SRP19: variants seen among roughly 807,000 people sequenced by gnomAD.
SRP19 encodes the protein signal recognition particle 19 kDa protein.
In SRP19, 11 loss-of-function variants were observed where a neutral mutation model predicts 22.4. The ratio of observed to expected loss-of-function variants is 0.49; its 90% CI spans 0.31 to 0.81. SRP19 has a LOEUF of 0.81. SRP19 is among the 40% of genes least tolerant of loss of function. SRP19 has a pLI of 0.05. For missense variants in SRP19, 168 were observed against 175.9 expected (o/e 0.96, Z 0.25); for synonymous variants, 61 against 57.6 (o/e 1.06, Z -0.27).
downstream of SRP19, chr5:112,893,176 G>A: frequency 3.6e-6 from 2 of 551,946 alleles, no homozygotes; most frequent in South Asian, 4.5e-5. Flanking sequence ...TTAGGAGGCT[G>A]AGGTGGGTGG....
At chr5:112,862,280 C>G in intron 1 of SRP19, 1 of 578,652 alleles carries the variant, frequency 1.7e-6, no homozygotes. Flanking sequence ...GGAGGGGGAT[C>G]AATCAGAAAG....
At chr5:112,892,785 G>T in exon 5 of SRP19, 1 of 1,614,044 alleles carries the variant, frequency 6.2e-7, no homozygotes, top group Non-Finnish European at 8.5e-7. Flanking sequence ...ACAGCAGGCA[G>T]CGGGGAAGGA....
At chr5:112,887,376 A>G (rs1009406773) in intron 4 of SRP19, among the ~76,000 whole-genome samples, 3 of 152,228 alleles carry the variant, frequency 2.0e-5, no homozygotes, top group African/African-American at 7.2e-5. Context: ...ATGAGCTGGT[A>G]AGGAAAAGCT....
At chr5:112,892,758 C>T in exon 5 of SRP19, 1 of 1,613,928 alleles carries the variant, frequency 6.2e-7, no homozygotes, top group South Asian at 1.1e-5. Context: ...AGAAGATGGG[C>T]CACCACGACC....
intron 4 of SRP19, among the ~76,000 whole-genome samples, chr5:112,875,252 GAA>G (rs1464283832): frequency 6.6e-6 from 1 of 152,206 alleles, no homozygotes; most frequent in East Asian, 1.9e-4. Flanking sequence ...GTAAAGATCT[GAA>G]TTGTACCTGT....
At chr5:112,880,528 C>T (rs1026077643) in intron 4 of SRP19, among the ~76,000 whole-genome samples, 1 of 152,208 alleles carries the variant, frequency 6.6e-6, no homozygotes, top group Non-Finnish European at 1.5e-5. Flanking sequence ...AATTACTGAA[C>T]CAAGTTCACA....
At chr5:112,878,665 T>A in intron 4 of SRP19, 1 of 1,388,626 alleles carries the variant, frequency 7.2e-7, no homozygotes, top group East Asian at 2.4e-5. Context: ...TTCCAATCTT[T>A]AATATCTCAA....
At chr5:112,884,691 C>T (rs191713550) in intron 4 of SRP19, among the ~76,000 whole-genome samples, 225 of 151,714 alleles carry the variant, frequency 1.5e-3, no homozygotes, top group Non-Finnish European at 2.8e-3. Flanking sequence ...GATTCCTTTA[C>T]TACTATTGAG....
chr5:112,889,829 ATTTTTT>A (rs35932072), intron 4 of SRP19, among the ~76,000 whole-genome samples: 6 of 139,292 alleles, frequency 4.3e-5, no homozygotes, highest in Non-Finnish European at 6.1e-5. Flanking sequence ...GAAAAAAAAA[ATTTTTT>A]TTTTTTTTTG....
chr5:112,890,974 T>C (rs1768424232), intron 4 of SRP19, among the ~76,000 whole-genome samples: 1 of 150,928 alleles, frequency 6.6e-6, no homozygotes. Context: ...ATACTGTGTT[T>C]TCTAACAACA....
intron 4 of SRP19, chr5:112,885,547 C>A: frequency 4.1e-6 from 1 of 242,162 alleles, no homozygotes. Flanking sequence ...AAGTAAACAT[C>A]AACTACCTTC....
At chr5:112,863,833 T>A (rs1020346197) in intron 2 of SRP19, among the ~76,000 whole-genome samples, 15 of 152,086 alleles carry the variant, frequency 9.9e-5, no homozygotes, top group Admixed American at 9.8e-4. Context: ...TCCGGCTACT[T>A]TGGTATTTTT....
intron 4 of SRP19, among the ~76,000 whole-genome samples, chr5:112,886,827 G>A (rs994199014): frequency 6.6e-6 from 1 of 152,212 alleles, no homozygotes; most frequent in African/African-American, 2.4e-5. Flanking sequence ...CATGGAGGAA[G>A]AGTCTTGGGA....
At chr5:112,884,140 C>A (rs1768159754) in intron 4 of SRP19, among the ~76,000 whole-genome samples, 2 of 152,258 alleles carry the variant, frequency 1.3e-5, no homozygotes, top group African/African-American at 4.8e-5. Flanking sequence ...CAGGACAGAT[C>A]ATTTTGCTTC....
At chr5:112,866,206 T>C (rs956748795) in intron 4 of SRP19, among the ~76,000 whole-genome samples, 1 of 150,762 alleles carries the variant, frequency 6.6e-6, no homozygotes, top group Non-Finnish European at 1.5e-5. Context: ...AACCTCCGCC[T>C]CCCGGGTTCA....
chr5:112,879,756 G>A (rs554570042), intron 4 of SRP19, among the ~76,000 whole-genome samples: 3 of 152,022 alleles, frequency 2.0e-5, no homozygotes, highest in South Asian at 2.1e-4. Flanking sequence ...GATTACAGAC[G>A]TAAGCCACCA....
intron 2 of SRP19, among the ~76,000 whole-genome samples, chr5:112,863,100 T>C (rs1163147139): frequency 6.6e-6 from 1 of 152,156 alleles, no homozygotes; most frequent in East Asian, 1.9e-4. Flanking sequence ...TAACAAGCAC[T>C]CAAAAAAGAA....
chr5:112,890,386 TAAAAA>T, intron 4 of SRP19, among the ~76,000 whole-genome samples: 1 of 147,332 alleles, frequency 6.8e-6, no homozygotes. Context: ...TTTTTTTAAA[TAAAAA>T]AGGGTTTCAC....
intron 4 of SRP19, chr5:112,887,274 G>T: frequency 8.3e-7 from 1 of 1,202,902 alleles, no homozygotes. Flanking sequence ...CTGGGGATGG[G>T]AGATGCCTCT....
Sources: gnomAD v4.1 joint callset for allele counts (sites outside exome capture counted in the v4.1 genomes callset) on GRCh38, gnomAD v4.1.1 for gene constraint, MANE v1.5 for transcripts, NCBI Gene and HGNC (gene_info 2026-07-23, HGNC 2026-07-21) for gene names.